The following ZNF600 variants were observed in gnomAD, a reference collection of about 807,000 sequenced individuals.
The protein encoded by ZNF600 is zinc finger protein 600.
In ZNF600, 4 loss-of-function variants were observed where a neutral mutation model predicts 7.3. The ratio of observed to expected loss-of-function variants is 0.55; its 90% CI spans 0.27 to 1.25. ZNF600 has a LOEUF of 1.25. ZNF600 is among the 50% of genes most tolerant of loss of function. ZNF600 has a pLI of 0.12. For synonymous variants in ZNF600, 290 were observed against 308.9 expected, an observed-to-expected ratio of 0.94 and a Z score of 0.64; for missense variants, 911 against 922.1, an observed-to-expected ratio of 0.99 and a Z score of 0.16.
chr19:52,787,004 G>C (rs2062770194), upstream of ZNF600, among the ~76,000 whole-genome samples: 1 of 152,256 alleles, frequency 6.6e-6, no homozygotes, highest in Non-Finnish European at 1.5e-5. Context: ...GAATTATCTG[G>C]AACGGGAATG....
At chr19:52,783,794 G>A (rs907462798) in intron 1 of ZNF600, among the ~76,000 whole-genome samples, 2 of 151,820 alleles carry the variant, frequency 1.3e-5, no homozygotes, top group African/African-American at 4.8e-5. Context: ...TTTTTTGTTT[G>A]TTTGTTTGTT....
chr19:52,807,293 A>G, the ZNF600 span, among the ~76,000 whole-genome samples: 3 of 152,166 alleles, frequency 2.0e-5, no homozygotes, highest in Non-Finnish European at 4.4e-5. Flanking sequence ...AGAAGACATT[A>G]CAGATGAATC....
At chr19:52,766,348 A>G in exon 4 of ZNF600, 6 of 1,614,168 alleles carry the variant, frequency 3.7e-6, no homozygotes, top group Non-Finnish European at 4.2e-6. Flanking sequence ...TTACATTTGT[A>G]TGGTTTCTCT....
At chr19:52,810,085 C>A in the ZNF600 span, 1 of 770,430 alleles carries the variant, frequency 1.3e-6, no homozygotes, top group Middle Eastern at 3.5e-4. Context: ...GGGCCTCGTT[C>A]AGGAGCCACC....
the ZNF600 span, among the ~76,000 whole-genome samples, chr19:52,815,601 A>G: frequency 2.0e-5 from 3 of 146,480 alleles, 1 homozygote; most frequent in African/African-American, 7.9e-5. Context: ...GAGGCGGGCG[A>G]ATCATGAGGT....
At chr19:52,769,097 C>T (rs1351611160) in intron 3 of ZNF600, among the ~76,000 whole-genome samples, 2 of 152,088 alleles carry the variant, frequency 1.3e-5, no homozygotes, top group Admixed American at 6.5e-5. Flanking sequence ...CGTTGCCAAG[C>T]GGACCATGGT....
the ZNF600 span, among the ~76,000 whole-genome samples, chr19:52,812,241 G>A: frequency 2.8e-4 from 38 of 137,962 alleles, 3 homozygotes; most frequent in Admixed American, 1.8e-3. Flanking sequence ...CCCTCTGCCC[G>A]GCCACGACCC....
the ZNF600 span, chr19:52,808,229 G>C: frequency 6.4e-7 from 1 of 1,550,696 alleles, no homozygotes; most frequent in Admixed American, 2.1e-5. Flanking sequence ...TTTAGTTGTA[G>C]TGAATGTTCT....
the ZNF600 span, among the ~76,000 whole-genome samples, chr19:52,819,172 C>G: frequency 1.5e-5 from 2 of 137,698 alleles, no homozygotes; most frequent in African/African-American, 2.9e-5. Context: ...AGGGTAAGCT[C>G]CCAGGAGGAG....
At chr19:52,775,421 A>G (rs770425169) in intron 2 of ZNF600, among the ~76,000 whole-genome samples, 3 of 151,036 alleles carry the variant, frequency 2.0e-5, no homozygotes, top group East Asian at 2.0e-4. Flanking sequence ...GTCGTGGTGC[A>G]GGCCTGTACT....
upstream of ZNF600, among the ~76,000 whole-genome samples, chr19:52,786,955 C>G (rs369134645): frequency 2.6e-5 from 4 of 152,342 alleles, no homozygotes; most frequent in African/African-American, 4.8e-5. Flanking sequence ...TTGGAGGCGA[C>G]AGCGGCCAGG....
chr19:52,794,664 G>GGT, the ZNF600 span, among the ~76,000 whole-genome samples: 1 of 152,048 alleles, frequency 6.6e-6, no homozygotes, highest in African/African-American at 2.4e-5. Flanking sequence ...AACCAACGTG[G>GGT]GAGACGTGGT....
At chr19:52,778,791 GAGAC>G in intron 2 of ZNF600, 31 bp downstream of exon 4, 2 of 1,581,840 alleles carry the variant, frequency 1.3e-6, no homozygotes, top group South Asian at 1.2e-5. Context: ...AGAAAGGAAA[GAGAC>G]AGATTAATCC....
the ZNF600 span, among the ~76,000 whole-genome samples, chr19:52,818,576 G>C: frequency 6.6e-6 from 1 of 152,132 alleles, no homozygotes; most frequent in African/African-American, 2.4e-5. Flanking sequence ...AGCCGGGCTT[G>C]ATGCGCATCT....
the ZNF600 span, among the ~76,000 whole-genome samples, chr19:52,827,444 T>C: frequency 1.3e-5 from 2 of 152,000 alleles, no homozygotes; most frequent in Non-Finnish European, 2.9e-5. Context: ...GCCTGAACAA[T>C]CCCAGCTGCC....
chr19:52,766,446 G>A, exon 4 of ZNF600: 1 of 1,614,006 alleles, frequency 6.2e-7, no homozygotes. Flanking sequence ...TTGCTCTCCA[G>A]TATGAATTGA....
intron 1 of ZNF600, among the ~76,000 whole-genome samples, chr19:52,783,402 C>T (rs538931204): frequency 2.9e-4 from 44 of 152,290 alleles, no homozygotes; most frequent in Non-Finnish European, 4.1e-4. Context: ...CGCTCTGTCG[C>T]CCAGGCTGGA....
chr19:52,777,271 G>A lies in ZNF600; in HGVS notation c.63+1555C>T, dbSNP rs780496267. 9.8e-4 allele frequency among the ~76,000 whole-genome samples: 149 copies of A among 152,228 alleles called. 1 individual carries two copies. Among genetic ancestry groups the A allele is most frequent in the Admixed American group, 2.4e-3 (36 of 15,274 alleles). ...CAAATGCCTGTAATCCCAGATACTC[G>A]GGAGGCTGAGGCAAAAGAATTGCTT... On this transcript the variant is annotated intron_variant, in intron 2 of 3. Transcript: ENST00000648973.
chr19:52,816,981 T>C, the ZNF600 span, among the ~76,000 whole-genome samples: 1 of 151,958 alleles, frequency 6.6e-6, no homozygotes, highest in African/African-American at 2.4e-5. Flanking sequence ...TTCACAAGCC[T>C]CTCCACAGTA....
Sources: gnomAD v4.1 joint callset for allele counts (sites outside exome capture counted in the v4.1 genomes callset) on GRCh38, gnomAD v4.1.1 for gene constraint, MANE v1.5 for transcripts, NCBI Gene and HGNC (gene_info 2026-07-23, HGNC 2026-07-21) for gene names.